Variants in ARHGAP24 observed in about 807,000 individuals in gnomAD.
ARHGAP24 encodes rho GTPase-activating protein 24.
In ARHGAP24, 50 loss-of-function variants were observed where a neutral mutation model predicts 76.4. That is an observed-to-expected ratio of 0.65 (90% CI 0.52 to 0.83). ARHGAP24 has a LOEUF of 0.83. Ranked by LOEUF, ARHGAP24 falls within the 40% of genes least tolerant of loss-of-function variation. ARHGAP24 has a pLI of 0.00. For missense variants in ARHGAP24, 930 were observed against 914.2 expected (o/e 1.02, Z -0.22); for synonymous variants, 345 against 323.3 (o/e 1.07, Z -0.72).
At chr4:85,792,825 A>G (rs1728187968) in intron 3 of ARHGAP24, among the ~76,000 whole-genome samples, 1 of 152,162 alleles carries the variant, frequency 6.6e-6, no homozygotes, top group Non-Finnish European at 1.5e-5. Context: ...GTAAAGCACC[A>G]CTGAAGAACA....
At chr4:85,957,004 G>A (rs1260818344) in intron 5 of ARHGAP24, among the ~76,000 whole-genome samples, 1 of 152,204 alleles carries the variant, frequency 6.6e-6, no homozygotes, top group Non-Finnish European at 1.5e-5. Flanking sequence ...GGCGGTAGAT[G>A]ATTGGCTATT....
At position 85,731,031 on chromosome 4, in the gene ARHGAP24, G is replaced by C. The variant is rs73833403; in HGVS notation, c.268+9059G>C. 6.6e-3 allele frequency among the ~76,000 whole-genome samples: 939 copies of C among 143,174 alleles called. 4 individuals carry two copies. Among genetic ancestry groups the C allele is most frequent in the African/African-American group, 9.3e-3 (341 of 36,620 alleles). 93.9% of individuals were successfully genotyped at this position (143,174 alleles called of 152,430 possible). A position where few individuals can be genotyped will look rare whatever the true frequency, so the allele number is the denominator to read the frequency against. ...ACACACACACACACACACACACAGA[G>C]AGAGAGACTGGGCATGTGTGTGTGT... On this transcript the variant is annotated intron_variant, in intron 3 of 9. Transcript: ENST00000395184.
chr4:85,882,783 A>G (rs1733337269), intron 3 of ARHGAP24, among the ~76,000 whole-genome samples: 1 of 152,216 alleles, frequency 6.6e-6, no homozygotes, highest in Non-Finnish European at 1.5e-5. Flanking sequence ...ATGTATAACT[A>G]TCTAAACCCC....
rs116202823 is a variant in ARHGAP24 at position 85,847,631 on chromosome 4, G to A, written c.269-76017G>A. 2.5e-3 allele frequency among the ~76,000 whole-genome samples: 383 copies of A among 152,286 alleles called. 2 individuals carry two copies. Among genetic ancestry groups the A allele is most frequent in the African/African-American group, 8.6e-3 (358 of 41,558 alleles). On this transcript the variant is annotated intron_variant, in intron 3 of 9. Coordinates refer to ENST00000395184, the MANE Select transcript of ARHGAP24 (RefSeq NM_001025616.3). Reference sequence around the variant, plus strand: ...TTTCTAGGCAGAAGACACTGAAAACGTCAAGGTTTAGATGTGGGACTATAC... The same window carrying A: ...TTTCTAGGCAGAAGACACTGAAAACATCAAGGTTTAGATGTGGGACTATAC...
intron 2 of ARHGAP24, among the ~76,000 whole-genome samples, chr4:85,629,830 A>G (rs887795880): frequency 6.6e-6 from 1 of 151,482 alleles, no homozygotes; most frequent in Non-Finnish European, 1.5e-5. Flanking sequence ...ATCTCTTTAT[A>G]TTTAATCTAT....
At chr4:85,733,715 G>C (rs1725503158) in intron 3 of ARHGAP24, among the ~76,000 whole-genome samples, 1 of 152,104 alleles carries the variant, frequency 6.6e-6, no homozygotes, top group Non-Finnish European at 1.5e-5. Flanking sequence ...TTCTCCCTGT[G>C]TCTTCACAGG....
intron 3 of ARHGAP24, among the ~76,000 whole-genome samples, chr4:85,864,839 G>A (rs1732104639): frequency 6.6e-6 from 1 of 152,138 alleles, no homozygotes; most frequent in South Asian, 2.1e-4. Context: ...TCTTTTTTAT[G>A]TGTTAGATAA....
intron 2 of ARHGAP24, among the ~76,000 whole-genome samples, chr4:85,680,186 T>A (rs1415386465): frequency 5.9e-5 from 9 of 152,190 alleles, no homozygotes; most frequent in Admixed American, 5.9e-4. Flanking sequence ...AAGGGAACTT[T>A]CTGGCCTCTG....
intron 3 of ARHGAP24, among the ~76,000 whole-genome samples, chr4:85,865,713 A>C (rs374790121): frequency 6.6e-6 from 1 of 151,318 alleles, no homozygotes; most frequent in South Asian, 2.1e-4. Context: ...GTATAAAATA[A>C]GAAGAATTAT....
chr4:85,515,871 G>A (rs1387703230), intron 1 of ARHGAP24, among the ~76,000 whole-genome samples: 1 of 152,104 alleles, frequency 6.6e-6, no homozygotes, highest in Non-Finnish European at 1.5e-5. Flanking sequence ...GAACTCTAGG[G>A]TTATACAATA....
At chr4:85,731,285 C>T (rs1725399247) in intron 3 of ARHGAP24, among the ~76,000 whole-genome samples, 1 of 152,128 alleles carries the variant, frequency 6.6e-6, no homozygotes, top group African/African-American at 2.4e-5. Context: ...GTTTAAGAGT[C>T]AGTATACTCT....
Position 85,477,239 on chromosome 4 carries a change from A to G in ARHGAP24, c.-21+1680A>G, listed in dbSNP as rs1722635501. On this transcript the variant is annotated intron_variant, in intron 1 of 9. Coordinates refer to ENST00000395184, the MANE Select transcript of ARHGAP24 (RefSeq NM_001025616.3). ...GCATGTGGAGGGGCTGTTGAAACTC[A>G]GACTGTCCTTGGCTTTCAACTATAT... is the stretch of plus-strand genomic sequence containing the variant. 6.6e-5 allele frequency among the ~76,000 whole-genome samples: 10 copies of G among 152,312 alleles called. 1 individual carries two copies. In the South Asian group the frequency reaches 2.1e-3, roughly 32 times the overall value.
intron 3 of ARHGAP24, among the ~76,000 whole-genome samples, chr4:85,788,738 A>G (rs1727972600): frequency 6.6e-6 from 1 of 152,178 alleles, no homozygotes; most frequent in South Asian, 2.1e-4. Flanking sequence ...TAAATCACTC[A>G]AAAGGATTGT....
At chr4:85,831,818 C>G (rs1204841156) in intron 3 of ARHGAP24, among the ~76,000 whole-genome samples, 1 of 151,572 alleles carries the variant, frequency 6.6e-6, no homozygotes, top group Non-Finnish European at 1.5e-5. Context: ...GTGATAATCA[C>G]CTGAGTCCCG....
chr4:85,886,431 G>A lies in ARHGAP24; in HGVS notation c.269-37217G>A, dbSNP rs546875655. Among the ~76,000 whole-genome samples the A allele has an allele frequency of 2.6e-5, 4 of 152,222 alleles. No homozygotes were observed. The East Asian group carries it at 7.7e-4, about 29-fold the overall frequency. On this transcript the variant is annotated intron_variant, in intron 3 of 9. Transcript: ENST00000395184. ...GTCATGTAAAGGTGAGCACTTAATA[G>A]ATGAAGAATTAGTGCACCAGAAGGT...
intron 2 of ARHGAP24, among the ~76,000 whole-genome samples, chr4:85,701,014 G>A (rs1292581881): frequency 1.3e-5 from 2 of 152,072 alleles, no homozygotes; most frequent in African/African-American, 4.8e-5. Flanking sequence ...AGATGATCTG[G>A]AATTGGAAGA....
At chr4:85,898,033 GTATATA>G (rs61576453) in intron 3 of ARHGAP24, among the ~76,000 whole-genome samples, 21,279 of 134,504 alleles carry the variant, frequency 0.16, 1,670 homozygotes, top group South Asian at 0.3. Flanking sequence ...ACATATATGT[GTATATA>G]TATATATATA....
chr4:86,001,176 A>AATATAAATATAT lies in ARHGAP24; in HGVS notation c.*467_*478dup. Reference sequence around the variant, plus strand: ...TGCTGAGGAAATGAAGATAAGCAAAAATATAAATATATATATAAATATATG... The same window carrying AATATAAATATAT: ...TGCTGAGGAAATGAAGATAAGCAAAAATATAAATATATATATAAATATATATATAAATATATG... On this transcript the variant is annotated 3_prime_UTR_variant, in exon 10 of 10. Transcript: ENST00000395184. The AATATAAATATAT allele has an allele frequency of 2.5e-6, 1 of 394,808 alleles. No homozygotes were observed. Among genetic ancestry groups the AATATAAATATAT allele is most frequent in the Non-Finnish European group, 4.5e-6 (1 of 224,338 alleles). 24.5% of individuals were successfully genotyped at this position (394,808 alleles called of 1,614,324 possible).
chr4:85,931,164 G>C, intron 4 of ARHGAP24: 1 of 1,017,956 alleles, frequency 9.8e-7, no homozygotes, highest in Admixed American at 2.8e-5. Flanking sequence ...GACTGTACAA[G>C]AGTGATTTGT....
Sources: gnomAD v4.1 joint callset for allele counts (sites outside exome capture counted in the v4.1 genomes callset) on GRCh38, gnomAD v4.1.1 for gene constraint, MANE v1.5 for transcripts, NCBI Gene and HGNC (gene_info 2026-07-23, HGNC 2026-07-21) for gene names.